The following SSH1 variants were observed in gnomAD, a reference collection of about 807,000 sequenced individuals.
SSH1 encodes the protein protein phosphatase Slingshot homolog 1.
Under a neutral mutation model 79.7 loss-of-function variants are expected in SSH1, and 43 were observed. The ratio of observed to expected loss-of-function variants is 0.54; its 90% CI spans 0.42 to 0.70. SSH1 has a LOEUF of 0.70. Ranked by LOEUF, SSH1 falls within the 30% of genes least tolerant of loss-of-function variation. The pLI is 0.00. For missense variants in SSH1, 1,206 were observed against 1,358.8 expected, an observed-to-expected ratio of 0.89 and a Z score of 1.77; for synonymous variants, 599 against 538.3, an observed-to-expected ratio of 1.11 and a Z score of -1.56.
chr12:108,824,454 CAAA>C (rs778260052), intron 2 of SSH1, among the ~76,000 whole-genome samples: 1 of 113,660 alleles, frequency 8.8e-6, no homozygotes. Flanking sequence ...GACTGTGTCT[CAAA>C]AAAAAAAAAA....
chr12:108,827,385 TG>T, intron 2 of SSH1: 1 of 1,517,128 alleles, frequency 6.6e-7, no homozygotes, highest in Non-Finnish European at 8.9e-7. Context: ...TCCCTACAAC[TG>T]CCCTCCGAGC....
chr12:108,811,383 A>G, intron 5 of SSH1, 55 bp from the exon 6 acceptor site: 1 of 1,538,194 alleles, frequency 6.5e-7, no homozygotes, highest in Non-Finnish European at 9.0e-7. Context: ...CTACGTGTAC[A>G]GCCTTTCCAG....
chr12:108,788,591 G>A lies in SSH1; in HGVS notation c.2547C>T (p.Ser849=). The A allele has an allele frequency of 6.2e-7, 1 of 1,604,772 alleles. No homozygotes were observed. The highest frequency in any genetic ancestry group is 8.5e-7 in the Non-Finnish European group (1 of 1,173,602). The stretch of plus-strand genomic sequence containing the variant: ...CCTCGGGGATGCTGGCCTCCAGCCT[G>A]CTGGCAGGGCCATCCCTGGAGGGAG... The part of the protein sequence containing the change: ...PAPPSRDGPA[S]RLEASIPEES... Residue 849 remains serine (S), a synonymous_variant, in exon 15 of 15, where the codon AGC becomes AGT. Transcript: ENST00000326495.
intron 13 of SSH1, among the ~76,000 whole-genome samples, chr12:108,796,654 G>A (rs1013560160): frequency 6.6e-6 from 1 of 152,088 alleles, no homozygotes; most frequent in African/African-American, 2.4e-5. Context: ...GTTGCTATAA[G>A]CACTAATGTA....
chr12:108,794,506 C>G (rs938360876), intron 13 of SSH1, among the ~76,000 whole-genome samples: 2 of 152,186 alleles, frequency 1.3e-5, no homozygotes, highest in African/African-American at 4.8e-5. Flanking sequence ...ATAACCTGTA[C>G]AGAAATTTTT....
intron 6 of SSH1, among the ~76,000 whole-genome samples, chr12:108,810,203 T>C (rs1024271123): frequency 6.6e-6 from 1 of 151,038 alleles, no homozygotes; most frequent in Non-Finnish European, 1.5e-5. Flanking sequence ...AATATGTTAA[T>C]ATAAAATACT....
intron 2 of SSH1, among the ~76,000 whole-genome samples, chr12:108,828,382 C>T (rs372512938): frequency 4.9e-4 from 74 of 152,282 alleles, no homozygotes; most frequent in African/African-American, 1.6e-3. Flanking sequence ...CTATCTGCCC[C>T]ACGCCCACCT....
rs1343704820 is a variant in SSH1, at chr12:108,778,901, G to GGTA, written c.*9086_*9087insTAC. 2 of 152,210 alleles carry GGTA rather than the reference G, an allele frequency of 1.3e-5. No individual in the cohort carries two copies. Among genetic ancestry groups the GGTA allele is most frequent in the African/African-American group, 4.8e-5 (2 of 41,422 alleles). 9.4% of individuals were successfully genotyped at this position (152,210 alleles called of 1,614,324 possible). A position where few individuals can be genotyped will look rare whatever the true frequency, so the allele number is the denominator to read the frequency against. Reference sequence around the variant, plus strand: ...GGCTCACTGCAACCTCTGCCTCCCAGGCTCAGGAGATCCTTCACCTCAGCC... The same window carrying GGTA: ...GGCTCACTGCAACCTCTGCCTCCCAGGTAGCTCAGGAGATCCTTCACCTCAGCC... On this transcript the variant is annotated 3_prime_UTR_variant, in exon 15 of 15. Transcript: ENST00000326495.
At chr12:108,809,662 G>C in intron 7 of SSH1, 31 bp downstream of exon 7, 1 of 1,578,104 alleles carries the variant, frequency 6.3e-7, no homozygotes, top group Non-Finnish European at 8.7e-7. Flanking sequence ...AATATTTCTA[G>C]GGAGTTAAAA....
At chr12:108,805,230 A>C (rs529646951) in intron 9 of SSH1, 46 bp from the exon 10 acceptor site, 1 of 1,596,678 alleles carries the variant, frequency 6.3e-7, no homozygotes, top group South Asian at 1.1e-5. Flanking sequence ...TAAAGAAAAC[A>C]ATCGTCCACC....
chr12:108,847,747 C>T (rs898296872), intron 2 of SSH1, among the ~76,000 whole-genome samples: 6 of 152,112 alleles, frequency 3.9e-5, no homozygotes, highest in African/African-American at 1.4e-4. Context: ...TGTGAGCCAC[C>T]GTGCCCAGCC....
rs2036144262 is a variant in SSH1 at position 108,781,290 on chromosome 12, A to G, written c.*6698T>C. 1 of 151,670 alleles carries G rather than the reference A, an allele frequency of 6.6e-6. No homozygotes were observed. The highest frequency in any genetic ancestry group is 1.5e-5 in the Non-Finnish European group (1 of 67,924). The allele number at this position is 151,670 out of a possible 1,614,324, so 9.4% of individuals were successfully genotyped here. ...ATAAATAAATTTAGCTGGGTGCAGC[A>G]GTGTGTGGCTCTGGTCCCAGCTACT... On this transcript the variant is annotated 3_prime_UTR_variant, in exon 15 of 15. Transcript: ENST00000326495.
chr12:108,836,307 T>C (rs2038629767), intron 2 of SSH1, among the ~76,000 whole-genome samples: 1 of 152,060 alleles, frequency 6.6e-6, no homozygotes, highest in South Asian at 2.1e-4. Context: ...ATTCTGCCCA[T>C]TGAGAGGCCT....
At chr12:108,824,344 T>C (rs1177835495) in intron 2 of SSH1, among the ~76,000 whole-genome samples, 2 of 151,958 alleles carry the variant, frequency 1.3e-5, no homozygotes, top group Non-Finnish European at 2.9e-5. Flanking sequence ...CTCAGAAGGC[T>C]GAGGCACAAG....
chr12:108,842,059 G>A (rs573675918), intron 2 of SSH1, among the ~76,000 whole-genome samples: 35 of 152,076 alleles, frequency 2.3e-4, no homozygotes, highest in Non-Finnish European at 3.7e-4. Context: ...AGCCCAGGAG[G>A]TCGGGGCTGC....
intron 2 of SSH1, among the ~76,000 whole-genome samples, chr12:108,840,861 C>T (rs968995612): frequency 3.9e-5 from 6 of 152,188 alleles, no homozygotes; most frequent in African/African-American, 1.4e-4. Context: ...CTCTCAGTAG[C>T]CCGGCTGGTT....
intron 5 of SSH1, among the ~76,000 whole-genome samples, chr12:108,813,031 T>A (rs1332589043): frequency 2.6e-5 from 4 of 151,846 alleles, no homozygotes; most frequent in East Asian, 3.9e-4. Context: ...CCCAGCTTTT[T>A]AAAAAAAACT....
intron 10 of SSH1, 152 bp downstream of exon 10, chr12:108,804,904 C>T: frequency 1.1e-6 from 1 of 887,832 alleles, no homozygotes; most frequent in South Asian, 1.6e-5. Context: ...AGAGAAGGGG[C>T]CAAAGAGGGG....
At position 108,788,477 on chromosome 12, in the gene SSH1, G is replaced by A. The variant is rs777706675; in HGVS notation, c.2661C>T (p.Pro887=). 35 of 1,556,610 alleles carry A rather than the reference G, an allele frequency of 2.2e-5. No individual in the cohort carries two copies. Among genetic ancestry groups the A allele is most frequent in the Non-Finnish European group, 2.8e-5 (32 of 1,154,162 alleles). Residue 887 remains proline, a synonymous_variant, in exon 15 of 15, where the codon CCC becomes CCT. Transcript: ENST00000326495. ...TCAGTGAGCCTCCTTCCAATGAAGC[G>A]GGGGCGGCCTCTGACTTCTCATCAC... ...AGSDEKSEAA[P]ASLEGGSLKS...
Sources: gnomAD v4.1 joint callset for allele counts (sites outside exome capture counted in the v4.1 genomes callset) on GRCh38, gnomAD v4.1.1 for gene constraint, MANE v1.5 for transcripts, NCBI Gene and HGNC (gene_info 2026-07-23, HGNC 2026-07-21) for gene names.